The following CHN2 variants were observed in gnomAD, a reference collection of about 807,000 sequenced individuals.
The protein encoded by CHN2 is chimerin 2.
In CHN2, 35 loss-of-function variants were observed where a neutral mutation model predicts 56.3. The observed-to-expected ratio is 0.62, with a 90% confidence interval of 0.47 to 0.82. The LOEUF (loss-of-function observed/expected upper bound fraction) is 0.82. Among genes scored for constraint, CHN2 ranks in the 40% least tolerant of loss-of-function variants. The pLI is 0.00. For missense variants in CHN2, 491 were observed against 580.5 expected (o/e 0.85, Z 1.58); for synonymous variants, 210 against 212.8 (o/e 0.99, Z 0.12).
At position 29,448,780 on chromosome 7, in the gene CHN2, G is replaced by A. The variant is rs115316472; in HGVS notation, c.577-31499G>A. ...TCATCACTTGTTTTGGGGAGTTGGG[G>A]AAGGCTTTGTGCCCCAGAGCACACT... On this transcript the variant is annotated intron_variant, in intron 6 of 12. Coordinates refer to ENST00000222792, the MANE Select transcript of CHN2 (RefSeq NM_004067.4). Among the ~76,000 whole-genome samples the A allele has an allele frequency of 6.2e-3, 932 of 151,458 alleles. 15 individuals carry two copies. Among genetic ancestry groups the A allele is most frequent in the African/African-American group, 0.022 (900 of 40,990 alleles).
chr7:29,166,253 C>G (rs1267763359), intron 2 of CHN2, among the ~76,000 whole-genome samples: 2 of 152,100 alleles, frequency 1.3e-5, no homozygotes, highest in Non-Finnish European at 2.9e-5. Context: ...AGGCTAGTCT[C>G]AAACTCCTGG....
chr7:29,308,734 T>C (rs1344706572), intron 1 of CHN2, among the ~76,000 whole-genome samples: 9 of 152,078 alleles, frequency 5.9e-5, no homozygotes, highest in African/African-American at 1.9e-4. Context: ...AGGAGGAAAA[T>C]TCAGTAGTTG....
In CHN2 at chr7:29,217,619, A is replaced by G. The variant is rs889561548; in HGVS notation, c.49+22629A>G. On this transcript the variant is annotated intron_variant, in intron 1 of 12. Transcript: ENST00000222792. ...GCTTTTTATATGAATACAAATATTT[A>G]GTTGGGATATAGGTTATAGAATGTC... 3.9e-5 allele frequency among the ~76,000 whole-genome samples: 6 copies of G among 152,228 alleles called. 1 individual carries two copies. The highest frequency in any genetic ancestry group is 1.4e-4 in the African/African-American group (6 of 41,462).
chr7:29,491,202 C>T (rs1003932040), intron 7 of CHN2, among the ~76,000 whole-genome samples: 3 of 151,918 alleles, frequency 2.0e-5, no homozygotes, highest in African/African-American at 4.8e-5. Context: ...ACATTTCTCT[C>T]ATGTTATGTT....
chr7:29,275,840 G>A (rs1791154179), intron 1 of CHN2, among the ~76,000 whole-genome samples: 1 of 152,184 alleles, frequency 6.6e-6, no homozygotes, highest in Admixed American at 6.5e-5. Context: ...GAGGTGGAAA[G>A]GGATTACATC....
intron 1 of CHN2, among the ~76,000 whole-genome samples, chr7:29,317,344 C>G (rs959167240): frequency 4.6e-5 from 7 of 152,206 alleles, no homozygotes; most frequent in Non-Finnish European, 4.4e-5. Flanking sequence ...AAAAAATCAA[C>G]ATATGCGTCA....
chr7:29,369,541 A>AAT (rs1459018482), intron 3 of CHN2, among the ~76,000 whole-genome samples: 1 of 152,172 alleles, frequency 6.6e-6, no homozygotes, highest in Admixed American at 6.5e-5. Flanking sequence ...GATGTAATTA[A>AAT]ATATATATTT....
intron 6 of CHN2, among the ~76,000 whole-genome samples, chr7:29,433,843 A>AC (rs1322605703): frequency 6.8e-6 from 1 of 146,236 alleles, no homozygotes; most frequent in East Asian, 2.0e-4. Flanking sequence ...CATCTAAACA[A>AC]AAAAAAAAAG....
chr7:29,328,437 C>CT (rs1453984240), intron 1 of CHN2, among the ~76,000 whole-genome samples: 1 of 151,414 alleles, frequency 6.6e-6, no homozygotes, highest in African/African-American at 2.4e-5. Flanking sequence ...TTAACTTGGG[C>CT]TGAATTTATA....
At chr7:29,254,682 C>CT (rs1788931364) in intron 1 of CHN2, among the ~76,000 whole-genome samples, 1 of 152,124 alleles carries the variant, frequency 6.6e-6, no homozygotes, top group Non-Finnish European at 1.5e-5. Flanking sequence ...ATGAGAATCT[C>CT]TGCGAGCTGC....
At chr7:29,489,699 G>A (rs1788434743) in intron 7 of CHN2, among the ~76,000 whole-genome samples, 1 of 152,122 alleles carries the variant, frequency 6.6e-6, no homozygotes, top group Non-Finnish European at 1.5e-5. Flanking sequence ...ATTTTTTGGG[G>A]ACTGTGTGGG....
chr7:29,313,133 T>G (rs144403331), intron 1 of CHN2, among the ~76,000 whole-genome samples: 6 of 152,280 alleles, frequency 3.9e-5, no homozygotes, highest in South Asian at 4.1e-4. Context: ...ACTCAATTCT[T>G]TAATTCTTTC....
intron 6 of CHN2, among the ~76,000 whole-genome samples, chr7:29,405,055 A>G (rs1028084037): frequency 6.6e-6 from 1 of 152,076 alleles, no homozygotes; most frequent in Non-Finnish European, 1.5e-5. Context: ...GCAGTGCCCT[A>G]TTTAAAAATT....
chr7:29,236,253 G>A (rs1787189973), intron 1 of CHN2, among the ~76,000 whole-genome samples: 1 of 152,222 alleles, frequency 6.6e-6, no homozygotes, highest in Non-Finnish European at 1.5e-5. Context: ...GTATACTGAG[G>A]CCAGTGAGTA....
chr7:29,499,248 T>C (rs903808955), intron 8 of CHN2, among the ~76,000 whole-genome samples: 4 of 152,140 alleles, frequency 2.6e-5, no homozygotes, highest in Non-Finnish European at 4.4e-5. Flanking sequence ...CTGGTGTATA[T>C]AGTTAGGCAT....
chr7:29,195,649 T>TGTGTGTGTGTGTGAGA (rs1554358914), intron 1 of CHN2, among the ~76,000 whole-genome samples: 2 of 130,642 alleles, frequency 1.5e-5, no homozygotes, highest in African/African-American at 5.7e-5. Flanking sequence ...TGTGTGTGTG[T>TGTGTGTGTGTGTGAGA]GAGAGAGAGA....
chr7:29,340,484 A>G (rs750664682), intron 1 of CHN2, among the ~76,000 whole-genome samples: 1 of 152,172 alleles, frequency 6.6e-6, no homozygotes, highest in African/African-American at 2.4e-5. Context: ...CACTTTCATT[A>G]GTAAGGGCAG....
At chr7:29,460,716 G>A (rs1220817263) in intron 6 of CHN2, among the ~76,000 whole-genome samples, 2 of 152,208 alleles carry the variant, frequency 1.3e-5, no homozygotes, top group Non-Finnish European at 2.9e-5. Context: ...TTTGGACAGA[G>A]CCATCTCTTG....
chr7:29,168,428 C>A (rs1275320255), intron 2 of CHN2, among the ~76,000 whole-genome samples: 1 of 152,112 alleles, frequency 6.6e-6, no homozygotes, highest in African/African-American at 2.4e-5. Context: ...TCTAATAAGC[C>A]TCCATGTAGC....
Sources: allele counts gnomAD v4.1 joint callset (sites outside exome capture counted in the v4.1 genomes callset), GRCh38; gene constraint gnomAD v4.1.1; transcripts MANE v1.5; gene names NCBI Gene and HGNC (gene_info 2026-07-23, HGNC 2026-07-21).